ARHGEF26: variants seen among roughly 807,000 people sequenced by gnomAD.
ARHGEF26 encodes Rho guanine nucleotide exchange factor 26.
In ARHGEF26, 59 loss-of-function variants were observed where a neutral mutation model predicts 89.4. The ratio of observed to expected loss-of-function variants is 0.66; its 90% CI spans 0.54 to 0.82. The LOEUF is 0.82. Ranked by LOEUF, ARHGEF26 falls within the 40% of genes least tolerant of loss-of-function variation. The pLI, the probability that ARHGEF26 is intolerant of heterozygous loss-of-function variation, is 0.00. For missense variants in ARHGEF26, 1,234 were observed against 1,085.6 expected (o/e 1.14, Z -1.92); for synonymous variants, 500 against 428.4 (o/e 1.17, Z -2.06).
At position 154,254,828 on chromosome 3, in the gene ARHGEF26, A is replaced by G. The variant is rs775331953; in HGVS notation, c.2473+4A>G. On this transcript the variant is annotated splice_donor_region_variant and intron_variant, in intron 14 of 14. Transcript: ENST00000465093. ...ATCTATCAACGTGTCAGCGATGGTG[A>G]GTGGGAGCGTTCTTATGGGACACTC... 1 of 1,612,944 alleles carries G rather than the reference A, an allele frequency of 6.2e-7. No homozygotes were observed. The highest frequency in any genetic ancestry group is 1.7e-5 in the Admixed American group (1 of 60,020).
intron 9 of ARHGEF26, among the ~76,000 whole-genome samples, chr3:154,202,756 T>C (rs1275861247): frequency 1.3e-4 from 18 of 134,370 alleles, no homozygotes; most frequent in Admixed American, 4.7e-4. Context: ...TTTATTCTCT[T>C]TGAAGCAATT....
At chr3:154,183,846 T>C (rs1179091836) in intron 6 of ARHGEF26, among the ~76,000 whole-genome samples, 1 of 152,210 alleles carries the variant, frequency 6.6e-6, no homozygotes, top group Non-Finnish European at 1.5e-5. Flanking sequence ...TTGTTTTTGG[T>C]TATATAGTTG....
intron 4 of ARHGEF26, among the ~76,000 whole-genome samples, chr3:154,145,704 T>C (rs1326264839): frequency 6.6e-6 from 1 of 152,164 alleles, no homozygotes; most frequent in Non-Finnish European, 1.5e-5. Context: ...TAAATATCCC[T>C]GTTTACTTCA....
chr3:154,237,711 T>C (rs1461257363), intron 11 of ARHGEF26, among the ~76,000 whole-genome samples: 2 of 152,266 alleles, frequency 1.3e-5, no homozygotes, highest in African/African-American at 2.4e-5. Context: ...ATGATGACTT[T>C]ATAGCATATT....
intron 9 of ARHGEF26, among the ~76,000 whole-genome samples, chr3:154,216,508 T>TTG (rs1559905692): frequency 1.8e-5 from 1 of 55,694 alleles, no homozygotes; most frequent in Non-Finnish European, 3.6e-5. Context: ...TTTTATTTTT[T>TTG]ATTTTTTTTT....
At chr3:154,162,924 G>A (rs575830778) in intron 6 of ARHGEF26, among the ~76,000 whole-genome samples, 5 of 152,194 alleles carry the variant, frequency 3.3e-5, no homozygotes, top group South Asian at 2.1e-4. Flanking sequence ...TTTAGAAAGC[G>A]CTCATTGAGC....
intron 4 of ARHGEF26, among the ~76,000 whole-genome samples, chr3:154,131,084 G>A (rs1276796990): frequency 6.6e-6 from 1 of 152,086 alleles, no homozygotes; most frequent in African/African-American, 2.4e-5. Context: ...GGCCTCTGAG[G>A]TATAGCACCC....
rs764034579 is a variant in ARHGEF26 at position 154,121,964 on chromosome 3, C to A, written c.-29C>A. On this transcript the variant is annotated 5_prime_UTR_variant, in exon 2 of 15. Coordinates refer to ENST00000465093, the MANE Select transcript of ARHGEF26 (RefSeq NM_015595.4). ...TAGGCAAGACTAACTCGGTGTTGCT[C>A]CTCCCGGCGCTGACTTCGAGGCCCG... is the stretch of plus-strand genomic sequence containing the variant. 1.4e-5 allele frequency: 22 copies of A among 1,562,286 alleles called. No individual in the cohort carries two copies. Among genetic ancestry groups the A allele is most frequent in the Non-Finnish European group, 1.7e-5 (19 of 1,149,576 alleles).
chr3:154,182,212 A>G (rs2108164454), intron 6 of ARHGEF26, among the ~76,000 whole-genome samples: 2 of 152,294 alleles, frequency 1.3e-5, no homozygotes, highest in South Asian at 4.1e-4. Flanking sequence ...GGTACACTGA[A>G]GAAAATATAT....
chr3:154,245,050 C>T (rs1352835123), intron 12 of ARHGEF26, among the ~76,000 whole-genome samples: 2 of 152,178 alleles, frequency 1.3e-5, no homozygotes, highest in African/African-American at 4.8e-5. Flanking sequence ...TTTATTAAGA[C>T]AGAGTTTCAC....
intron 6 of ARHGEF26, among the ~76,000 whole-genome samples, chr3:154,158,063 G>C (rs569367638): frequency 1.3e-5 from 2 of 152,238 alleles, no homozygotes; most frequent in South Asian, 4.1e-4. Flanking sequence ...GGGCTCTATT[G>C]ACATTAGTAG....
Position 154,191,395 on chromosome 3 carries a change from AC to A in ARHGEF26, c.1750del (p.Arg584AlafsTer5). ...SFLILPMQRV[T>X]RLPLLMDTIC... Reference sequence around the variant, plus strand: ...TCTCATTCTCCCCATGCAGAGGGTGACCCGCCTTCCCCTGCTGATGGATGTA... The same window carrying A: ...TCTCATTCTCCCCATGCAGAGGGTGACCGCCTTCCCCTGCTGATGGATGTA... On this transcript the variant is annotated frameshift_variant, in exon 8 of 15. Coordinates refer to ENST00000465093, the MANE Select transcript of ARHGEF26 (RefSeq NM_015595.4). LOFTEE classifies it high-confidence loss of function. 2 of 1,613,766 alleles carry A rather than the reference AC, an allele frequency of 1.2e-6. No homozygotes were observed. Among genetic ancestry groups the A allele is most frequent in the Non-Finnish European group, 1.7e-6 (2 of 1,179,788 alleles).
chr3:154,123,346 G>A (rs567607168), intron 2 of ARHGEF26, among the ~76,000 whole-genome samples: 42 of 152,244 alleles, frequency 2.8e-4, no homozygotes, highest in Admixed American at 2.7e-3. Flanking sequence ...GTGAAATATG[G>A]CAGATTATTG....
chr3:154,194,608 G>A (rs1433801876), intron 8 of ARHGEF26, 36 bp from the exon 9 acceptor site: 2 of 1,452,836 alleles, frequency 1.4e-6, no homozygotes, highest in Admixed American at 1.9e-5. Context: ...TAATAAAATA[G>A]ATCAATAAAT....
chr3:154,186,160 CA>C (rs1713518136), intron 6 of ARHGEF26, among the ~76,000 whole-genome samples: 2 of 151,726 alleles, frequency 1.3e-5, no homozygotes, highest in African/African-American at 4.8e-5. Context: ...CACACACACA[CA>C]CACACCCCTA....
At chr3:154,211,449 G>T (rs1047593633) in intron 9 of ARHGEF26, among the ~76,000 whole-genome samples, 1 of 149,642 alleles carries the variant, frequency 6.7e-6, no homozygotes, top group Non-Finnish European at 1.5e-5. Context: ...TGTCACAATT[G>T]CTGTGTTTTC....
At chr3:154,200,656 CT>C (rs1263908055) in intron 9 of ARHGEF26, among the ~76,000 whole-genome samples, 1 of 151,364 alleles carries the variant, frequency 6.6e-6, no homozygotes, top group Non-Finnish European at 1.5e-5. Context: ...GTAGTATGGA[CT>C]TTTTAATAAT....
intron 6 of ARHGEF26, among the ~76,000 whole-genome samples, chr3:154,161,767 G>C (rs1409862628): frequency 6.6e-6 from 1 of 152,104 alleles, no homozygotes; most frequent in Admixed American, 6.5e-5. Context: ...TAATCATAAA[G>C]AATTAATTGT....
At chr3:154,126,140 A>G (rs997681993) in intron 3 of ARHGEF26, among the ~76,000 whole-genome samples, 2 of 152,194 alleles carry the variant, frequency 1.3e-5, no homozygotes, top group Non-Finnish European at 2.9e-5. Context: ...TTACCCTCAT[A>G]ATCTGCTTTA....
Sources: allele counts gnomAD v4.1 joint callset (sites outside exome capture counted in the v4.1 genomes callset), GRCh38; gene constraint gnomAD v4.1.1; transcripts MANE v1.5; gene names NCBI Gene and HGNC (gene_info 2026-07-23, HGNC 2026-07-21).